GABBR1: variants seen among roughly 807,000 people sequenced by gnomAD.
GABBR1 encodes the protein gamma-aminobutyric acid type B receptor subunit 1.
GABBR1 carries 35 observed loss-of-function variants against 117.7 expected under a neutral mutation model. That is an observed-to-expected ratio of 0.30 (90% confidence interval 0.23 to 0.39). The LOEUF (loss-of-function observed/expected upper bound fraction) is 0.39. Among genes scored for constraint, GABBR1 ranks in the 10% least tolerant of loss-of-function variants. The pLI is 1.00. For synonymous variants in GABBR1, 442 were observed against 486.6 expected, an observed-to-expected ratio of 0.91 and a Z score of 1.21; for missense variants, 709 against 1,241.8, an observed-to-expected ratio of 0.57 and a Z score of 6.45.
rs1055766955 is a variant in GABBR1, at chr6:29,632,512, C to T, written c.1-127G>A. 2.2e-5 allele frequency: 21 copies of T among 972,040 alleles called. No homozygotes were observed. Among genetic ancestry groups the T allele is most frequent in the Admixed American group, 4.0e-5 (1 of 25,042 alleles). The allele number at this position is 972,040 out of a possible 1,614,324, so 60.2% of individuals were successfully genotyped here. ...GGGCTCAGCCTGGGGACCAAGAGAGCGCCCCGCGGAGGAGGCGGGGGCGGA... is the reference window on the plus strand; with the variant it reads ...GGGCTCAGCCTGGGGACCAAGAGAGTGCCCCGCGGAGGAGGCGGGGGCGGA... On this transcript the variant is annotated intron_variant, in intron 1 of 22. Coordinates refer to ENST00000377034, the MANE Select transcript of GABBR1 (RefSeq NM_001470.4). This position sits in a 1 kb window ranked among gnomAD's most constrained non-coding sequence, Gnocchi z 5.8.
rs1034889238 is a variant in GABBR1, at chr6:29,609,058, T to C, written c.1859+171A>G. On this transcript the variant is annotated intron_variant, in intron 15 of 22. Coordinates refer to ENST00000377034, the MANE Select transcript of GABBR1 (RefSeq NM_001470.4). The surrounding 1 kb of genome is among the most constrained non-coding windows in gnomAD (Gnocchi z 4.3). Reference sequence around the variant, plus strand: ...TTTCCTCCCGTTAGCTACTTTGGAGTAGGAGTGGGGGTTATATCTGGTTTC... The same window carrying C: ...TTTCCTCCCGTTAGCTACTTTGGAGCAGGAGTGGGGGTTATATCTGGTTTC... Among the ~76,000 whole-genome samples the C allele has an allele frequency of 2.6e-5, 4 of 151,884 alleles. No homozygotes were observed. Among genetic ancestry groups the C allele is most frequent in the Non-Finnish European group, 5.9e-5 (4 of 67,972 alleles).
Position 29,603,465 on chromosome 6 carries a change from C to T in GABBR1, c.*78G>A, listed in dbSNP as rs771806546. 37 of 1,273,034 alleles carry T rather than the reference C, an allele frequency of 2.9e-5. No homozygotes were observed. The highest frequency in any genetic ancestry group is 4.0e-5 in the Non-Finnish European group (36 of 894,274). 78.9% of individuals were successfully genotyped at this position (1,273,034 alleles called of 1,614,324 possible). A position where few individuals can be genotyped will look rare whatever the true frequency, so the allele number is the denominator to read the frequency against. On this transcript the variant is annotated 3_prime_UTR_variant, in exon 23 of 23. Coordinates refer to ENST00000377034, the MANE Select transcript of GABBR1 (RefSeq NM_001470.4). ...TGTTCTTCCCAGCTGGGGATGGGGACCCCCTGCTTCCTGAGTCCCCTGCCC... is the reference window on the plus strand; with the variant it reads ...TGTTCTTCCCAGCTGGGGATGGGGATCCCCTGCTTCCTGAGTCCCCTGCCC...
At chr6:29,626,521 TA>T (rs1219946746) in intron 6 of GABBR1, among the ~76,000 whole-genome samples, 11 of 151,824 alleles carry the variant, frequency 7.2e-5, no homozygotes, top group African/African-American at 2.7e-4. Context: ...AAAACCTCAT[TA>T]TAAGCTATCC....
At chr6:29,608,470 GA>G (rs1762184125) in intron 16 of GABBR1, 130 bp downstream of exon 16, 3 of 941,748 alleles carry the variant, frequency 3.2e-6, no homozygotes. Flanking sequence ...GGTGATGCTA[GA>G]AGGAAAGAAC....
rs1440633196 is a variant in GABBR1, at chr6:29,608,631, A to G, written c.1962T>C (p.Ile654=). The change falls in exon 16 of 23, where the codon ATT becomes ATC. Residue 654 remains isoleucine (I), a synonymous_variant. Coordinates refer to ENST00000377034, the MANE Select transcript of GABBR1 (RefSeq NM_001470.4). ...VFPLGLDGYH[I]GRNQFPFVCQ... The stretch of plus-strand genomic sequence containing the variant: ...AGACGAAAGGAAACTGGTTCCTCCC[A>G]ATGTGGTAACCATCGAGCCCCAGGG... 1.2e-6 allele frequency: 2 copies of G among 1,613,020 alleles called. No homozygotes were observed. Among genetic ancestry groups the G allele is most frequent in the Non-Finnish European group, 8.5e-7 (1 of 1,179,988 alleles).
Position 29,631,532 on chromosome 6 carries a change from C to T in GABBR1, c.153G>A (p.Val51=). The part of the protein sequence containing the change: ...IRYRGLTRDQ[V]KAINFLPVDY... ...CCACTGGCAGGAAGTTGATAGCCTT[C>T]ACCTGGTCCCGAGTCAGGCCCCGGT... The change falls in exon 3 of 23, where the codon GTG becomes GTA. Residue 51 remains valine (V), a synonymous_variant. Coordinates refer to ENST00000377034, the MANE Select transcript of GABBR1 (RefSeq NM_001470.4). The surrounding 1 kb of genome is among the most constrained non-coding windows in gnomAD (Gnocchi z 5.9). 6.2e-7 allele frequency: 1 copy of T among 1,614,224 alleles called. No homozygotes were observed. The highest frequency in any genetic ancestry group is 1.3e-5 in the African/African-American group (1 of 75,048).
At chr6:29,617,301 C>CTTTTTTT (rs373993426) in intron 11 of GABBR1, among the ~76,000 whole-genome samples, 13 of 119,858 alleles carry the variant, frequency 1.1e-4, no homozygotes, top group East Asian at 2.5e-4. Context: ...TTCTTTCTTT[C>CTTTTTTT]TTTTTTTTTT....
In GABBR1 at chr6:29,625,326, G is replaced by T. The variant is rs888723438; in HGVS notation, c.658-1302C>A. ...GATCCTGCTCCCAGCTTCTCCCACA[G>T]CCCCTCAGTGCCCCTCCACTTCTCT... On this transcript the variant is annotated intron_variant, in intron 6 of 22. Transcript: ENST00000377034. Among the ~76,000 whole-genome samples the T allele has an allele frequency of 4.6e-5, 7 of 152,156 alleles. No homozygotes were observed. In the East Asian group the frequency reaches 9.7e-4, roughly 21 times the overall value.
At chr6:29,603,780 G>A in intron 22 of GABBR1, 64 bp from the exon 23 acceptor site, 1 of 1,262,420 alleles carries the variant, frequency 7.9e-7, no homozygotes. Context: ...TGGGGAGGAG[G>A]GAAAGAGAGG....
At position 29,627,855 on chromosome 6, in the gene GABBR1, G is replaced by A; in HGVS notation, c.497-209C>T. The A allele has an allele frequency of 7.2e-7, 1 of 1,393,172 alleles. No homozygotes were observed. The highest frequency in any genetic ancestry group is 9.3e-7 in the Non-Finnish European group (1 of 1,079,976). 86.3% of individuals were successfully genotyped at this position (1,393,172 alleles called of 1,614,324 possible). On this transcript the variant is annotated intron_variant, in intron 5 of 22. Transcript: ENST00000377034. The surrounding 1 kb of genome is among the most constrained non-coding windows in gnomAD (Gnocchi z 4.4). The stretch of plus-strand genomic sequence containing the variant: ...AGCTCAGGGGGGACACTTTTCCTGG[G>A]GAGGGCTGCTAAGAGGGTGCCGGGG...
rs147509410 is a variant in GABBR1, at chr6:29,620,354, G to A, written c.1323+747C>T. On this transcript the variant is annotated intron_variant, in intron 11 of 22. Transcript: ENST00000377034. The surrounding 1 kb of genome is among the most constrained non-coding windows in gnomAD (Gnocchi z 4.5). ...ACCCCTAACATGCTCTCCAAAGCAGGTACACACTTGGTGTAATAAGCAGAC... is the reference window on the plus strand; with the variant it reads ...ACCCCTAACATGCTCTCCAAAGCAGATACACACTTGGTGTAATAAGCAGAC... Among the ~76,000 whole-genome samples the A allele has an allele frequency of 6.6e-5, 10 of 152,278 alleles. No homozygotes were observed. Among genetic ancestry groups the A allele is most frequent in the African/African-American group, 2.4e-4 (10 of 41,564 alleles).
chr6:29,621,987 G>A lies in GABBR1; in HGVS notation c.1065+117C>T. The A allele has an allele frequency of 9.5e-7, 1 of 1,048,162 alleles. No homozygotes were observed. Among genetic ancestry groups the A allele is most frequent in the East Asian group, 2.5e-5 (1 of 40,536 alleles). 64.9% of individuals were successfully genotyped at this position (1,048,162 alleles called of 1,614,324 possible). A position where few individuals can be genotyped will look rare whatever the true frequency, so the allele number is the denominator to read the frequency against. ...AAGATGGAGCTAAACTTCCCCAGGA[G>A]ATGCTATTGCCTCAGAGAATCAAAA... On this transcript the variant is annotated intron_variant, in intron 9 of 22. Transcript: ENST00000377034. The surrounding 1 kb of genome is among the most constrained non-coding windows in gnomAD (Gnocchi z 5.0).
In GABBR1 at chr6:29,613,044, A is replaced by C. The variant is rs1762715437; in HGVS notation, c.1566+199T>G. On this transcript the variant is annotated intron_variant, in intron 12 of 22. Coordinates refer to ENST00000377034, the MANE Select transcript of GABBR1 (RefSeq NM_001470.4). The surrounding 1 kb of genome is among the most constrained non-coding windows in gnomAD (Gnocchi z 4.1). Reference sequence around the variant, plus strand: ...AAAGAAATGAGGGGAGGGGTTTAAAAAAATGGAATACATCATTTTTTTTCC... The same window carrying C: ...AAAGAAATGAGGGGAGGGGTTTAAACAAATGGAATACATCATTTTTTTTCC... Among the ~76,000 whole-genome samples the C allele has an allele frequency of 6.6e-6, 1 of 152,272 alleles. No individual in the cohort carries two copies. The highest frequency in any genetic ancestry group is 1.5e-5 in the Non-Finnish European group (1 of 68,046).
rs561976219 is a variant in GABBR1 at position 29,622,672 on chromosome 6, T to C, written c.964-467A>G. ...CACAGTGGATAGAAGACCCAAAGAA[T>C]AGAATAAAAGGGAGGGAGCAGACTG... On this transcript the variant is annotated intron_variant, in intron 8 of 22. Coordinates refer to ENST00000377034, the MANE Select transcript of GABBR1 (RefSeq NM_001470.4). The surrounding 1 kb of genome is among the most constrained non-coding windows in gnomAD (Gnocchi z 4.6). The C allele has an allele frequency of 7.7e-5, 13 of 167,962 alleles. No individual in the cohort carries two copies. The South Asian group carries it at 1.1e-3, about 14-fold the overall frequency. The allele number at this position is 167,962 out of a possible 1,614,324, so 10.4% of individuals were successfully genotyped here. A position where few individuals can be genotyped will look rare whatever the true frequency, so the allele number is the denominator to read the frequency against.
intron 11 of GABBR1, among the ~76,000 whole-genome samples, chr6:29,614,371 G>T (rs981482214): frequency 6.6e-6 from 1 of 152,178 alleles, no homozygotes; most frequent in Admixed American, 6.5e-5. Flanking sequence ...ATACACAGGG[G>T]ACCATACAAA....
Position 29,603,695 on chromosome 6 carries a change from G to A in GABBR1, c.2734C>T (p.Leu912=). 1 of 1,498,518 alleles carries A rather than the reference G, an allele frequency of 6.7e-7. No individual in the cohort carries two copies. The highest frequency in any genetic ancestry group is 8.9e-7 in the Non-Finnish European group (1 of 1,127,156). 92.8% of individuals were successfully genotyped at this position (1,498,518 alleles called of 1,614,324 possible). A position where few individuals can be genotyped will look rare whatever the true frequency, so the allele number is the denominator to read the frequency against. ...IAEKEERVSE[L]RHQLQSRQQL... ...TGCCGAGACTGGAGTTGATGGCGCA[G>A]TTCAGAGACACGCTCCTCTTTCTGG... The change falls in exon 23 of 23, where the codon CTG becomes TTG. Residue 912 remains leucine, a synonymous_variant. Coordinates refer to ENST00000377034, the MANE Select transcript of GABBR1 (RefSeq NM_001470.4).
In GABBR1 at chr6:29,623,576, T is replaced by G. The variant is rs1763975831; in HGVS notation, c.793-101A>C. On this transcript the variant is annotated intron_variant, in intron 7 of 22. Transcript: ENST00000377034. This position sits in a 1 kb window ranked among gnomAD's most constrained non-coding sequence, Gnocchi z 6.2. Reference sequence around the variant, plus strand: ...CCTCTTCCTGCCTTTGGGTTTCTCTTCCTTACTCTCTCCAAACCTCCCCAC... The same window carrying G: ...CCTCTTCCTGCCTTTGGGTTTCTCTGCCTTACTCTCTCCAAACCTCCCCAC... The G allele has an allele frequency of 8.2e-7, 1 of 1,212,528 alleles. No individual in the cohort carries two copies. The highest frequency in any genetic ancestry group is 2.3e-5 in the Admixed American group (1 of 44,012). 75.1% of individuals were successfully genotyped at this position (1,212,528 alleles called of 1,614,324 possible). A position where few individuals can be genotyped will look rare whatever the true frequency, so the allele number is the denominator to read the frequency against.
At chr6:29,608,077 CT>C (rs1762139778) in intron 16 of GABBR1, among the ~76,000 whole-genome samples, 1 of 152,222 alleles carries the variant, frequency 6.6e-6, no homozygotes, top group Admixed American at 6.5e-5. Flanking sequence ...AAGAGAACCA[CT>C]CAACTATCAC....
At position 29,623,241 on chromosome 6, in the gene GABBR1, T is replaced by G. The variant is rs2127435145; in HGVS notation, c.963+64A>C. On this transcript the variant is annotated intron_variant, in intron 8 of 22. Coordinates refer to ENST00000377034, the MANE Select transcript of GABBR1 (RefSeq NM_001470.4). The surrounding 1 kb of genome is among the most constrained non-coding windows in gnomAD (Gnocchi z 6.2). Reference sequence around the variant, plus strand: ...CTTGCCCCTAAAAGTGACTCTCACGTCACATCTCCTGGTGCTGGAATTTGA... The same window carrying G: ...CTTGCCCCTAAAAGTGACTCTCACGGCACATCTCCTGGTGCTGGAATTTGA... The G allele has an allele frequency of 6.8e-7, 1 of 1,472,818 alleles. No homozygotes were observed. Among genetic ancestry groups the G allele is most frequent in the East Asian group, 2.3e-5 (1 of 43,656 alleles). The allele number at this position is 1,472,818 out of a possible 1,614,324, so 91.2% of individuals were successfully genotyped here.
Sources: allele counts gnomAD v4.1 joint callset (sites outside exome capture counted in the v4.1 genomes callset), GRCh38; gene constraint gnomAD v4.1.1; non-coding constraint Gnocchi (gnomAD v3.1); transcripts MANE v1.5; gene names NCBI Gene and HGNC (gene_info 2026-07-23, HGNC 2026-07-21).